Variants in UBR1 observed in about 807,000 individuals in gnomAD.
UBR1 encodes E3 ubiquitin-protein ligase UBR1.
UBR1 carries 102 observed loss-of-function variants against 242.1 expected under a neutral mutation model. The ratio of observed to expected loss-of-function variants is 0.42; its 90% CI spans 0.36 to 0.50. UBR1 has a LOEUF of 0.50. Ranked by LOEUF, UBR1 falls within the 20% of genes least tolerant of loss-of-function variation. UBR1 has a pLI of 0.01. For synonymous variants in UBR1, 675 were observed against 684.8 expected (o/e 0.99, Z 0.22); for missense variants, 1,772 against 2,101.8 (o/e 0.84, Z 3.07).
Position 42,977,809 on chromosome 15 carries a change from A to G in UBR1, c.4218+71T>C. 5 of 1,309,076 alleles carry G rather than the reference A, an allele frequency of 3.8e-6. No individual in the cohort carries two copies. The South Asian group carries it at 6.0e-5, about 16-fold the overall frequency. The allele number at this position is 1,309,076 out of a possible 1,614,324, so 81.1% of individuals were successfully genotyped here. ...GAATTTATAATCTTGAACAAAGGGC[A>G]TGAATTTAAATGAGGAAAATACAAG... On this transcript the variant is annotated intron_variant, in intron 38 of 46. Transcript: ENST00000290650.
chr15:43,059,017 C>T (rs2033650727), intron 9 of UBR1, 68 bp downstream of exon 9: 4 of 1,197,888 alleles, frequency 3.3e-6, no homozygotes, highest in Non-Finnish European at 5.0e-6. Flanking sequence ...AAAGATATTA[C>T]AGCTCCACTT....
intron 3 of UBR1, among the ~76,000 whole-genome samples, chr15:43,079,864 T>C (rs568119688): frequency 3.9e-5 from 6 of 152,216 alleles, no homozygotes; most frequent in Non-Finnish European, 8.8e-5. Context: ...AAGAAAATCA[T>C]ACTGGCATTA....
At chr15:43,073,682 A>C (rs968998870) in intron 4 of UBR1, among the ~76,000 whole-genome samples, 5 of 152,212 alleles carry the variant, frequency 3.3e-5, no homozygotes, top group Admixed American at 3.3e-4. Context: ...TTATATATTC[A>C]ATGTGATTCA....
chr15:43,013,540 G>A (rs1054662086), intron 29 of UBR1, among the ~76,000 whole-genome samples: 3 of 152,140 alleles, frequency 2.0e-5, no homozygotes, highest in African/African-American at 7.2e-5. Context: ...TTCCAATAAT[G>A]TAATAACTGC....
intron 21 of UBR1, among the ~76,000 whole-genome samples, chr15:43,028,245 T>C (rs1247597888): frequency 6.6e-6 from 1 of 152,214 alleles, no homozygotes; most frequent in Non-Finnish European, 1.5e-5. Flanking sequence ...TCCAACTAGT[T>C]AATCTATAGC....
intron 32 of UBR1, among the ~76,000 whole-genome samples, chr15:43,002,052 T>G (rs1394772100): frequency 1.3e-5 from 2 of 152,182 alleles, no homozygotes; most frequent in African/African-American, 4.8e-5. Context: ...ATGTAAAGAT[T>G]TGAGTAAATA....
chr15:43,018,546 C>A (rs1042620145), intron 27 of UBR1, among the ~76,000 whole-genome samples: 7 of 152,100 alleles, frequency 4.6e-5, no homozygotes, highest in African/African-American at 1.4e-4. Context: ...CACCACCATA[C>A]CCTTGACTAA....
At position 43,004,355 on chromosome 15, in the gene UBR1, T is replaced by TCTCCTCTCC. The variant is rs572362360; in HGVS notation, c.3416-434_3416-426dup. Among the ~76,000 whole-genome samples, 93 of 147,110 alleles carry TCTCCTCTCC rather than the reference T, an allele frequency of 6.3e-4. 1 individual carries two copies. The highest frequency in any genetic ancestry group is 1.3e-3 in the Admixed American group (19 of 14,862). ...TCCCTCTTCCTCTCTCTCTCCCTCCTCTCCTCTCCCTCCTCTCCCTCCTCT... is the reference window on the plus strand; with the variant it reads ...TCCCTCTTCCTCTCTCTCTCCCTCCTCTCCTCTCCCTCCTCTCCCTCCTCTCCCTCCTCT... On this transcript the variant is annotated intron_variant, in intron 30 of 46. Transcript: ENST00000290650.
At chr15:42,975,077 G>T (rs1227143872) in intron 39 of UBR1, among the ~76,000 whole-genome samples, 2 of 152,022 alleles carry the variant, frequency 1.3e-5, no homozygotes, top group Non-Finnish European at 2.9e-5. Flanking sequence ...TGTATTTTTA[G>T]TAGAGACGGG....
intron 39 of UBR1, among the ~76,000 whole-genome samples, chr15:42,976,008 G>A (rs2032283257): frequency 3.3e-5 from 5 of 152,126 alleles, no homozygotes; most frequent in Admixed American, 6.5e-5. Context: ...ATGAACCACT[G>A]CACCCAGCCC....
chr15:43,028,415 T>C (rs1041628105), intron 21 of UBR1, among the ~76,000 whole-genome samples: 1 of 152,112 alleles, frequency 6.6e-6, no homozygotes, highest in African/African-American at 2.4e-5. Context: ...CAGATTCCTG[T>C]AGGCTTGTAA....
chr15:42,976,820 A>G lies in UBR1; in HGVS notation c.4266T>C (p.Val1422=), dbSNP rs1427773476. 4 of 1,614,100 alleles carry G rather than the reference A, an allele frequency of 2.5e-6. No homozygotes were observed. Among genetic ancestry groups the G allele is most frequent in the Non-Finnish European group, 3.4e-6 (4 of 1,179,968 alleles). Residue 1422 remains valine, a synonymous_variant, in exon 39 of 47, where the codon GTT becomes GTC. Transcript: ENST00000290650. ...AFPSLYWDDP[V]DLQPSSVSSS... ...AACTAACTGAAGAAGGCTGCAGATC[A>G]ACAGGGTCATCCCAATACAAGGATG...
chr15:43,017,004 C>G (rs1596103254), intron 28 of UBR1, 91 bp downstream of exon 28: 3 of 956,672 alleles, frequency 3.1e-6, no homozygotes, highest in East Asian at 5.0e-5. Flanking sequence ...CAGGTTTCTC[C>G]TAACAAAAAA....
At chr15:43,099,914 C>T (rs945336345) in intron 1 of UBR1, among the ~76,000 whole-genome samples, 4 of 150,432 alleles carry the variant, frequency 2.7e-5, no homozygotes, top group South Asian at 2.1e-4. Flanking sequence ...CTCACTCTGT[C>T]GCCCAGACTG....
In UBR1 at chr15:42,976,776, T is replaced by C. The variant is rs1313701761; in HGVS notation, c.4310A>G (p.Tyr1437Cys). 1.2e-6 allele frequency: 2 copies of C among 1,613,970 alleles called. No homozygotes were observed. Among genetic ancestry groups the C allele is most frequent in the South Asian group, 1.1e-5 (1 of 91,068 alleles). The part of the protein sequence containing the change: ...SSVSSSYNHL[Y>C]LFHLITMAHM... Reference sequence around the variant, plus strand: ...TGCCATGGTGATCAAATGGAAGAGATAAAGGTGGTTATAGGAAGAACTAAC... The same window carrying C: ...TGCCATGGTGATCAAATGGAAGAGACAAAGGTGGTTATAGGAAGAACTAAC... Residue 1437 changes from tyrosine (Y) to cysteine (C), a missense_variant, in exon 39 of 47, where the codon TAT (tyrosine) becomes TGT (cysteine). Physicochemically the swap from Tyr to Cys is radical, Grantham distance 194. This residue lies in a region of UBR1 where 965 missense variants were observed against 1,079.7 expected (regional missense o/e 0.89). Transcript: ENST00000290650.
chr15:43,086,282 C>T (rs1239038954), intron 1 of UBR1, 42 bp from the exon 2 acceptor site: 2 of 1,608,246 alleles, frequency 1.2e-6, no homozygotes, highest in African/African-American at 2.7e-5. Context: ...CTTACAAGTT[C>T]CTTCTTAATC....
chr15:43,001,284 A>T (rs2032720549), intron 32 of UBR1, among the ~76,000 whole-genome samples: 1 of 151,614 alleles, frequency 6.6e-6, no homozygotes, highest in Admixed American at 6.6e-5. Flanking sequence ...AGTAGCTGGG[A>T]TTATAGGTGC....
intron 16 of UBR1, 124 bp downstream of exon 16, chr15:43,038,047 A>T (rs2033360385): frequency 8.1e-7 from 1 of 1,241,388 alleles, no homozygotes; most frequent in Non-Finnish European, 1.2e-6. Flanking sequence ...CTATATGAAG[A>T]TGTAAAATTA....
chr15:42,993,458 G>A (rs1479690647), intron 33 of UBR1, among the ~76,000 whole-genome samples: 4 of 151,228 alleles, frequency 2.6e-5, no homozygotes, highest in African/African-American at 9.7e-5. Context: ...CCACCTCCCC[G>A]GTTCATGCCT....
Sources: gnomAD v4.1 joint callset for allele counts (sites outside exome capture counted in the v4.1 genomes callset) on GRCh38, gnomAD v4.1.1 for gene constraint, gnomAD v4.1.1 regional missense constraint, MANE v1.5 for transcripts, NCBI Gene and HGNC (gene_info 2026-07-23, HGNC 2026-07-21) for gene names.